FAM167A: variants seen among roughly 807,000 people sequenced by gnomAD.
FAM167A encodes family with sequence similarity 167 member A, also known as protein FAM167A.
FAM167A carries 23 observed loss-of-function variants against 14.9 expected under a neutral mutation model. That is an observed-to-expected ratio of 1.55 (90% CI 1.11 to 2.19). The LOEUF is 2.19. FAM167A is among the 30% of genes most tolerant of loss of function. FAM167A has a pLI of 0.00. For synonymous variants in FAM167A, 174 were observed against 117.7 expected, an observed-to-expected ratio of 1.48 and a Z score of -3.10; for missense variants, 401 against 281.5, an observed-to-expected ratio of 1.42 and a Z score of -3.04.
rs778299082 is a variant in FAM167A at position 11,424,408 on chromosome 8, T to C, written c.610A>G (p.Met204Val). ...TPLKLIGVTK[M>V]NINSRRFSLC Reference sequence around the variant, plus strand: ...GAGAACCTCCGAGAGTTGATGTTCATCTTGGTCACGCCAATAAGCTTGAGT... The same window carrying C: ...GAGAACCTCCGAGAGTTGATGTTCACCTTGGTCACGCCAATAAGCTTGAGT... The change falls in exon 3 of 3, where the codon ATG becomes GTG. Residue 204 changes from methionine to valine, a missense_variant. Transcript: ENST00000284486. The C allele has an allele frequency of 1.9e-6, 3 of 1,614,024 alleles. No homozygotes were observed. The highest frequency in any genetic ancestry group is 2.7e-5 in the African/African-American group (2 of 74,990).
chr8:11,427,586 G>A (rs1212649426), intron 2 of FAM167A, among the ~76,000 whole-genome samples: 1 of 152,194 alleles, frequency 6.6e-6, no homozygotes, highest in African/African-American at 2.4e-5. Flanking sequence ...CTCCCTGTTA[G>A]GTTTATAATA....
At chr8:11,434,648 T>G (rs747888981) in intron 2 of FAM167A, among the ~76,000 whole-genome samples, 16 of 152,142 alleles carry the variant, frequency 1.1e-4, no homozygotes, top group Non-Finnish European at 2.1e-4. Flanking sequence ...CTACACACCT[T>G]CAGGGGTGAG....
rs1804921649 is a variant in FAM167A at position 11,423,649 on chromosome 8, G to A, written c.*724C>T. The A allele has an allele frequency of 6.6e-6, 1 of 152,340 alleles. No homozygotes were observed. The highest frequency in any genetic ancestry group is 1.5e-5 in the Non-Finnish European group (1 of 68,132). 9.4% of individuals were successfully genotyped at this position (152,340 alleles called of 1,614,324 possible). A position where few individuals can be genotyped will look rare whatever the true frequency, so the allele number is the denominator to read the frequency against. On this transcript the variant is annotated 3_prime_UTR_variant, in exon 3 of 3. Transcript: ENST00000284486. ...GGTGGCAGTGAAGAGGCTCTTTGGA[G>A]ATGCATGTGGCCAGGGGAGACAATG...
chr8:11,465,011 G>T (rs1475400243), intron 1 of FAM167A, among the ~76,000 whole-genome samples: 3 of 152,200 alleles, frequency 2.0e-5, no homozygotes, highest in African/African-American at 7.2e-5. Flanking sequence ...GAGCAAGTGC[G>T]CAGGGAGTCT....
chr8:11,469,910 AAATAAATAAAT>A (rs2117170753), upstream of FAM167A, among the ~76,000 whole-genome samples: 2 of 151,042 alleles, frequency 1.3e-5, no homozygotes, highest in Non-Finnish European at 2.9e-5. Context: ...ATAAATAAAT[AAATAAATAAAT>A]AAAAGATTTA....
chr8:11,440,728 A>C (rs1386779761), intron 2 of FAM167A, among the ~76,000 whole-genome samples: 1 of 152,266 alleles, frequency 6.6e-6, no homozygotes, highest in Non-Finnish European at 1.5e-5. Context: ...GCCACGTGAG[A>C]ACAAACAACA....
At chr8:11,462,807 G>T (rs1807592185) in intron 1 of FAM167A, among the ~76,000 whole-genome samples, 1 of 152,238 alleles carries the variant, frequency 6.6e-6, no homozygotes, top group South Asian at 2.1e-4. Context: ...TCCAGAGGCA[G>T]CAGGGACAGG....
chr8:11,465,193 T>C (rs1191403083), intron 1 of FAM167A, among the ~76,000 whole-genome samples: 1 of 152,164 alleles, frequency 6.6e-6, no homozygotes, highest in African/African-American at 2.4e-5. Flanking sequence ...GCAGGGGACC[T>C]TCTCAGGTCA....
At chr8:11,435,761 C>T (rs920188755) in intron 2 of FAM167A, among the ~76,000 whole-genome samples, 4 of 152,248 alleles carry the variant, frequency 2.6e-5, no homozygotes, top group Admixed American at 2.0e-4. Context: ...TCCTCATCTG[C>T]TACATGAGCA....
intron 2 of FAM167A, among the ~76,000 whole-genome samples, chr8:11,437,430 C>T (rs78596938): frequency 0.033 from 5,089 of 152,258 alleles, 173 homozygotes; most frequent in African/African-American, 0.086. Context: ...CAACGCGCTG[C>T]CAAGTAGGGA....
intron 2 of FAM167A, 198 bp downstream of exon 2, chr8:11,443,833 C>A: frequency 1.5e-6 from 1 of 647,172 alleles, no homozygotes; most frequent in Admixed American, 3.2e-5. Flanking sequence ...GGGCTGATGA[C>A]ACCTGGGTCC....
intron 1 of FAM167A, among the ~76,000 whole-genome samples, chr8:11,462,880 G>C (rs1299490432): frequency 1.3e-5 from 2 of 152,212 alleles, no homozygotes; most frequent in African/African-American, 4.8e-5. Context: ...GTAAATATTA[G>C]AAATGCGTTC....
intron 1 of FAM167A, among the ~76,000 whole-genome samples, chr8:11,461,776 G>C (rs1020417425): frequency 6.6e-6 from 1 of 152,252 alleles, no homozygotes; most frequent in Non-Finnish European, 1.5e-5. Context: ...CTCAAGGGGG[G>C]ATTTGTCCAG....
intron 1 of FAM167A, among the ~76,000 whole-genome samples, chr8:11,473,615 G>A (rs1448059457): frequency 6.6e-6 from 1 of 152,162 alleles, no homozygotes; most frequent in Non-Finnish European, 1.5e-5. Flanking sequence ...GGCCAGGGAG[G>A]TGGGGAGGAA....
intron 2 of FAM167A, among the ~76,000 whole-genome samples, chr8:11,440,874 G>T (rs993894565): frequency 1.3e-5 from 2 of 152,180 alleles, no homozygotes; most frequent in African/African-American, 4.8e-5. Flanking sequence ...ATTTTTAAAG[G>T]TACCTTCAAT....
intron 2 of FAM167A, among the ~76,000 whole-genome samples, chr8:11,428,502 G>A (rs1175088183): frequency 6.6e-6 from 1 of 152,254 alleles, no homozygotes; most frequent in Admixed American, 6.5e-5. Flanking sequence ...CAGGGATGGT[G>A]ATTCCGGCCG....
At chr8:11,428,353 A>C (rs1453687160) in intron 2 of FAM167A, among the ~76,000 whole-genome samples, 1 of 152,262 alleles carries the variant, frequency 6.6e-6, no homozygotes, top group East Asian at 1.9e-4. Flanking sequence ...AGCTAGAAAG[A>C]GGGCTGACAG....
At chr8:11,463,471 G>C (rs970069379) in intron 1 of FAM167A, among the ~76,000 whole-genome samples, 7 of 152,226 alleles carry the variant, frequency 4.6e-5, no homozygotes, top group African/African-American at 1.7e-4. Context: ...GCTGTGCCCA[G>C]CCAGCTCGCA....
At chr8:11,433,076 G>A (rs1026487561) in intron 2 of FAM167A, among the ~76,000 whole-genome samples, 1 of 152,006 alleles carries the variant, frequency 6.6e-6, no homozygotes, top group African/African-American at 2.4e-5. Flanking sequence ...GGGTAGGGAG[G>A]GATAACATTA....
Sources: gnomAD v4.1 joint callset for allele counts (sites outside exome capture counted in the v4.1 genomes callset) on GRCh38, gnomAD v4.1.1 for gene constraint, MANE v1.5 for transcripts, NCBI Gene and HGNC (gene_info 2026-07-23, HGNC 2026-07-21) for gene names.